Variants in RB1 observed in about 807,000 individuals in gnomAD.
RB1 encodes retinoblastoma-associated protein.
RB1 carries 18 observed loss-of-function variants against 135.4 expected under a neutral mutation model. That is an observed-to-expected ratio of 0.13 (90% CI 0.09 to 0.20). The LOEUF is 0.20. Ranked by LOEUF, RB1 falls within the 10% of genes least tolerant of loss-of-function variation. The probability of loss-of-function intolerance (pLI) is 1.00; values close to 1 mark genes in which losing one functional copy is unlikely to be tolerated. For synonymous variants in RB1, 365 were observed against 373.2 expected, an observed-to-expected ratio of 0.98 and a Z score of 0.25; for missense variants, 868 against 1,110.0, an observed-to-expected ratio of 0.78 and a Z score of 3.10.
chr13:48,464,947 AGT>A (rs1949427859), intron 21 of RB1, 49 bp from the exon 22 acceptor site: 1 of 1,491,244 alleles, frequency 6.7e-7, no homozygotes, highest in African/African-American at 1.4e-5. Context: ...TCATTTAACA[AGT>A]AAATTTTACT....
intron 2 of RB1, among the ~76,000 whole-genome samples, chr13:48,335,984 A>C (rs1405678013): frequency 6.6e-6 from 1 of 152,028 alleles, no homozygotes. Context: ...TTGTGAGAGG[A>C]AAAGAGAAGA....
chr13:48,344,704 A>T (rs185489749), intron 3 of RB1, among the ~76,000 whole-genome samples: 1 of 152,298 alleles, frequency 6.6e-6, no homozygotes, highest in Admixed American at 6.5e-5. Context: ...CCCACTGTCA[A>T]TGAAGAGTTA....
At chr13:48,358,669 C>T (rs551764192) in intron 6 of RB1, among the ~76,000 whole-genome samples, 81 of 152,196 alleles carry the variant, frequency 5.3e-4, no homozygotes, top group African/African-American at 1.9e-3. Context: ...GAAAAATAAG[C>T]TATAGTTGTT....
At chr13:48,442,565 GT>G (rs990017376) in intron 17 of RB1, among the ~76,000 whole-genome samples, 4 of 152,052 alleles carry the variant, frequency 2.6e-5, no homozygotes, top group Non-Finnish European at 4.4e-5. Flanking sequence ...CTTTAACAAG[GT>G]TTTTTTCCTG....
chr13:48,349,371 G>T (rs1952526015), intron 6 of RB1, among the ~76,000 whole-genome samples: 1 of 151,684 alleles, frequency 6.6e-6, no homozygotes. Flanking sequence ...TCCACCCAGG[G>T]ATAATCGGCA....
At chr13:48,314,182 A>G (rs748511451) in intron 2 of RB1, among the ~76,000 whole-genome samples, 9 of 152,156 alleles carry the variant, frequency 5.9e-5, no homozygotes, top group African/African-American at 1.9e-4. Context: ...TACTCTTGGT[A>G]CTTGAATTTC....
intron 17 of RB1, chr13:48,412,555 T>C: frequency 4.3e-6 from 3 of 701,754 alleles, no homozygotes; most frequent in South Asian, 1.6e-5. Context: ...GTTTTATAAA[T>C]ATTTCCTTTT....
chr13:48,325,931 CA>C (rs1425950969), intron 2 of RB1, among the ~76,000 whole-genome samples: 2 of 152,170 alleles, frequency 1.3e-5, no homozygotes, highest in African/African-American at 4.8e-5. Context: ...AGTCTTTGCT[CA>C]TAGAATAGTC....
intron 2 of RB1, among the ~76,000 whole-genome samples, chr13:48,327,348 CAAAA>C (rs931215304): frequency 8.9e-4 from 135 of 151,994 alleles, no homozygotes; most frequent in Non-Finnish European, 1.8e-3. Context: ...AGCTAATAAA[CAAAA>C]AACAAGAGAA....
intron 2 of RB1, chr13:48,328,618 G>A (rs1952308688): frequency 3.3e-6 from 2 of 598,954 alleles, no homozygotes; most frequent in Non-Finnish European, 6.0e-6. Flanking sequence ...TACAAGTTGG[G>A]ATATAAATAA....
intron 6 of RB1, among the ~76,000 whole-genome samples, chr13:48,349,706 A>C (rs187532217): frequency 6.6e-6 from 1 of 152,224 alleles, no homozygotes; most frequent in African/African-American, 2.4e-5. Flanking sequence ...AATAACGTTG[A>C]ACATAAATGG....
intron 2 of RB1, chr13:48,317,528 C>T: frequency 2.3e-6 from 1 of 439,580 alleles, no homozygotes; most frequent in Non-Finnish European, 4.2e-6. Flanking sequence ...CCTCCGGCCT[C>T]GGTGCCCGCT....
intron 26 of RB1, 131 bp from the exon 27 acceptor site, chr13:48,479,867 A>G: frequency 1.4e-6 from 1 of 716,464 alleles, no homozygotes; most frequent in South Asian, 1.5e-5. Context: ...GTCAAATACT[A>G]GAATGAAGAC....
chr13:48,359,488 TG>T (rs1952619606), intron 6 of RB1, among the ~76,000 whole-genome samples: 2 of 148,282 alleles, frequency 1.3e-5, no homozygotes, highest in Admixed American at 1.3e-4. Context: ...ATTGAATCAT[TG>T]GAATTAGAAT....
chr13:48,385,335 G>A (rs1175093903), intron 17 of RB1, among the ~76,000 whole-genome samples: 1 of 151,950 alleles, frequency 6.6e-6, no homozygotes, highest in Non-Finnish European at 1.5e-5. Context: ...ATGGCTTTCT[G>A]CAAAAAAGAC....
intron 17 of RB1, among the ~76,000 whole-genome samples, chr13:48,419,451 A>C (rs1948969725): frequency 6.6e-6 from 1 of 152,204 alleles, no homozygotes; most frequent in Non-Finnish European, 1.5e-5. Context: ...TGTAAAATTG[A>C]CACCCTAACA....
intron 2 of RB1, chr13:48,333,083 C>A: frequency 2.5e-6 from 1 of 398,206 alleles, no homozygotes. Flanking sequence ...AAAGTGAAAC[C>A]GTGGATATGG....
intron 2 of RB1, among the ~76,000 whole-genome samples, chr13:48,322,692 A>AT (rs1952251750): frequency 6.6e-6 from 1 of 152,020 alleles, no homozygotes; most frequent in South Asian, 2.1e-4. Flanking sequence ...CAGTTGAAGA[A>AT]TTTTTTATTT....
At chr13:48,349,988 A>T (rs889095930) in intron 6 of RB1, among the ~76,000 whole-genome samples, 1 of 152,156 alleles carries the variant, frequency 6.6e-6, no homozygotes, top group Non-Finnish European at 1.5e-5. Context: ...GCAAGAGGAT[A>T]TAACAGTGTT....
Sources: allele counts gnomAD v4.1 joint callset (sites outside exome capture counted in the v4.1 genomes callset), GRCh38; gene constraint gnomAD v4.1.1; transcripts MANE v1.5; gene names NCBI Gene and HGNC (gene_info 2026-07-23, HGNC 2026-07-21).